Variants in PLCG2 observed in about 807,000 individuals in gnomAD.
The protein encoded by PLCG2 is 1-phosphatidylinositol 4,5-bisphosphate phosphodiesterase gamma-2.
In PLCG2, 69 loss-of-function variants were observed where a neutral mutation model predicts 175.6. The observed-to-expected ratio is 0.39, with a 90% CI of 0.32 to 0.48. The LOEUF (loss-of-function observed/expected upper bound fraction) is 0.48, where lower values mean the gene tolerates loss of function less well. Among genes scored for constraint, PLCG2 ranks in the 20% least tolerant of loss-of-function variants. The probability of loss-of-function intolerance (pLI) is 0.91; values close to 1 mark genes in which losing one functional copy is unlikely to be tolerated. For missense variants in PLCG2, 1,798 were observed against 1,650.9 expected, an observed-to-expected ratio of 1.09 and a Z score of -1.54; for synonymous variants, 827 against 624.0, an observed-to-expected ratio of 1.33 and a Z score of -4.85.
intron 2 of PLCG2, among the ~76,000 whole-genome samples, chr16:81,804,014 A>G (rs1911880539): frequency 6.6e-6 from 1 of 152,198 alleles, no homozygotes; most frequent in African/African-American, 2.4e-5. Flanking sequence ...ACTGCGGTGG[A>G]CATTCATGTA....
intron 1 of PLCG2, among the ~76,000 whole-genome samples, chr16:81,783,323 T>C (rs866040661): frequency 6.6e-6 from 1 of 152,224 alleles, no homozygotes; most frequent in Non-Finnish European, 1.5e-5. Context: ...ATTATTATTA[T>C]GCTTTAAGTT....
chr16:81,956,596 C>T, intron 31 of PLCG2, 99 bp from the exon 32 acceptor site: 1 of 1,048,588 alleles, frequency 9.5e-7, no homozygotes, highest in South Asian at 1.7e-5. Flanking sequence ...AAACTTCTGC[C>T]CCATGCTCCC....
At chr16:81,905,945 C>G (rs1205992915) in intron 15 of PLCG2, among the ~76,000 whole-genome samples, 2 of 152,208 alleles carry the variant, frequency 1.3e-5, no homozygotes, top group Admixed American at 1.3e-4. Context: ...TAGGCGTAAG[C>G]TTCTAAGCCT....
intron 1 of PLCG2, among the ~76,000 whole-genome samples, chr16:81,742,163 G>C (rs1036094311): frequency 1.5e-5 from 2 of 137,374 alleles, no homozygotes; most frequent in African/African-American, 5.4e-5. Flanking sequence ...GCGGGGGGGG[G>C]GGCGGTGTTG....
intron 7 of PLCG2, among the ~76,000 whole-genome samples, chr16:81,877,641 C>T (rs1395000088): frequency 6.6e-6 from 1 of 152,172 alleles, no homozygotes; most frequent in Admixed American, 6.5e-5. Context: ...GTGTGGACAC[C>T]GCCTGGCTGC....
intron 2 of PLCG2, among the ~76,000 whole-genome samples, chr16:81,818,630 G>A (rs1370841768): frequency 6.6e-6 from 1 of 152,122 alleles, no homozygotes. Context: ...AGCCAGGACA[G>A]AGCCAACTAG....
At chr16:81,921,990 A>C (rs1318376422) in intron 21 of PLCG2, among the ~76,000 whole-genome samples, 1 of 152,182 alleles carries the variant, frequency 6.6e-6, no homozygotes, top group Non-Finnish European at 1.5e-5. Context: ...AGTAGCAAAA[A>C]CTTTTGTTAG....
rs1188247077 is a variant in PLCG2 at position 81,912,644 on chromosome 16, T to C, written c.1982T>C (p.Met661Thr). The C allele has an allele frequency of 6.2e-7, 1 of 1,613,162 alleles. No homozygotes were observed. Among genetic ancestry groups the C allele is most frequent in the African/African-American group, 1.3e-5 (1 of 74,926 alleles). ...CGCGGAGAGGCAGAGGACATGCTGA[T>C]GAGGATTCCCCGGGACGGGGCCTTC... is the stretch of plus-strand genomic sequence containing the variant. ...LSRGEAEDML[M>T]RIPRDGAFLI... is the part of the protein sequence containing the mutation. The change falls in exon 19 of 33, where the codon ATG becomes ACG. Residue 661 changes from methionine (M) to threonine (T), a missense_variant. By Grantham distance (81) the Met-to-Thr change is moderately conservative (BLOSUM62 -1). Coordinates refer to ENST00000564138, the MANE Select transcript of PLCG2 (RefSeq NM_002661.5).
At chr16:81,774,746 T>G (rs1007649018), upstream of PLCG2, among the ~76,000 whole-genome samples, 2,029 of 145,620 alleles carry the variant, frequency 0.014, 46 homozygotes, top group African/African-American at 0.043. Flanking sequence ...CTAAGGGTGT[T>G]TTTTTTTTTT....
intron 2 of PLCG2, among the ~76,000 whole-genome samples, chr16:81,761,189 C>T (rs767014618): frequency 8.5e-5 from 13 of 152,168 alleles, no homozygotes; most frequent in Admixed American, 1.3e-4. Context: ...GAGCCACTTG[C>T]GCCCAGCTAC....
At chr16:81,882,920 T>A (rs1908158795) in intron 8 of PLCG2, among the ~76,000 whole-genome samples, 1 of 149,458 alleles carries the variant, frequency 6.7e-6, no homozygotes, top group Non-Finnish European at 1.5e-5. Context: ...CACCCTCATC[T>A]CTTGCTACAC....
At chr16:81,787,440 C>T (rs1376304600) in intron 2 of PLCG2, among the ~76,000 whole-genome samples, 2 of 121,636 alleles carry the variant, frequency 1.6e-5, no homozygotes, top group Non-Finnish European at 3.2e-5. Flanking sequence ...TATGTCCAGG[C>T]TTGTCTCCAA....
chr16:81,827,959 G>C (rs552239163), intron 2 of PLCG2, among the ~76,000 whole-genome samples: 2 of 151,576 alleles, frequency 1.3e-5, no homozygotes, highest in African/African-American at 2.4e-5. Context: ...GCATGGTGGC[G>C]GATGCCTGTA....
chr16:81,891,200 A>G (rs781260859), intron 10 of PLCG2, among the ~76,000 whole-genome samples: 2 of 152,342 alleles, frequency 1.3e-5, no homozygotes, highest in Non-Finnish European at 2.9e-5. Context: ...CAATGTATAT[A>G]TGGTAAGCAT....
chr16:81,923,565 C>A lies in PLCG2; in HGVS notation c.2388C>A (p.Ile796=). ...TGAGCTTCTGCCGTGGTGCCCTCATCCACAATGTCTCCAAGGAGCCCGGGG... is the reference window on the plus strand; with the variant it reads ...TGAGCTTCTGCCGTGGTGCCCTCATACACAATGTCTCCAAGGAGCCCGGGG... ...DELSFCRGAL[I]HNVSKEPGGW... The change falls in exon 22 of 33, where the codon ATC becomes ATA. Residue 796 remains isoleucine (I), a synonymous_variant. Transcript: ENST00000564138. 6.2e-7 allele frequency: 1 copy of A among 1,612,912 alleles called. No individual in the cohort carries two copies.
At chr16:81,925,695 C>G (rs1910236054) in intron 22 of PLCG2, among the ~76,000 whole-genome samples, 1 of 152,158 alleles carries the variant, frequency 6.6e-6, no homozygotes, top group Non-Finnish European at 1.5e-5. Flanking sequence ...TGAGACCAGC[C>G]TGGCCAACCT....
intron 20 of PLCG2, 59 bp downstream of exon 20, chr16:81,919,723 C>A: frequency 6.9e-7 from 1 of 1,440,872 alleles, no homozygotes; most frequent in Non-Finnish European, 9.7e-7. Flanking sequence ...TGTAACTCAT[C>A]TGTTCATGAA....
intron 1 of PLCG2, among the ~76,000 whole-genome samples, chr16:81,740,011 G>C (rs1909550205): frequency 6.6e-6 from 1 of 151,942 alleles, no homozygotes; most frequent in Admixed American, 6.6e-5. Context: ...GGTGGCCCAT[G>C]CCTGCAATCA....
chr16:81,919,431 T>A, intron 19 of PLCG2, 53 bp from the exon 20 acceptor site: 2 of 1,462,914 alleles, frequency 1.4e-6, no homozygotes, highest in East Asian at 4.6e-5. Flanking sequence ...TGTGTAAAAA[T>A]TGTTTGGCCA....
Sources: gnomAD v4.1 joint callset for allele counts (sites outside exome capture counted in the v4.1 genomes callset) on GRCh38, gnomAD v4.1.1 for gene constraint, MANE v1.5 for transcripts, NCBI Gene and HGNC (gene_info 2026-07-23, HGNC 2026-07-21) for gene names.